TCF12: variants seen among roughly 807,000 people sequenced by gnomAD.
The protein encoded by TCF12 is transcription factor 12.
Under a neutral mutation model 86.0 loss-of-function variants are expected in TCF12, and 45 were observed. The ratio of observed to expected loss-of-function variants is 0.52; its 90% CI spans 0.41 to 0.67. The LOEUF is 0.67. TCF12 is among the 30% of genes least tolerant of loss of function. The pLI is 0.00. For missense variants in TCF12, 881 were observed against 859.9 expected (o/e 1.02, Z -0.31); for synonymous variants, 330 against 299.6 (o/e 1.10, Z -1.05).
intron 3 of TCF12, among the ~76,000 whole-genome samples, chr15:57,021,570 G>A (rs1311689824): frequency 1.3e-5 from 2 of 152,128 alleles, no homozygotes; most frequent in East Asian, 3.9e-4. Context: ...TAGGAAAACA[G>A]GCTTATATAG....
intron 6 of TCF12, among the ~76,000 whole-genome samples, chr15:57,170,684 TATATA>T (rs1406449157): frequency 0.016 from 170 of 10,364 alleles, 3 homozygotes; most frequent in Non-Finnish European, 0.022. Context: ...TAATATATTA[TATATA>T]ATATATATTA....
chr15:57,213,296 C>T (rs1406311893), intron 8 of TCF12, among the ~76,000 whole-genome samples: 1 of 152,294 alleles, frequency 6.6e-6, no homozygotes, highest in Non-Finnish European at 1.5e-5. Context: ...TTAAAAGATA[C>T]GTCTTTTCAT....
At chr15:56,944,123 A>G (rs1367479668) in intron 3 of TCF12, among the ~76,000 whole-genome samples, 2 of 152,192 alleles carry the variant, frequency 1.3e-5, no homozygotes, top group African/African-American at 4.8e-5. Flanking sequence ...ATTTTATTTA[A>G]TGTGTTCAAA....
At chr15:56,918,527 C>G (rs917334601), upstream of TCF12, 1 of 299,250 alleles carries the variant, frequency 3.3e-6, no homozygotes, top group African/African-American at 2.4e-5. Flanking sequence ...CGGCTCCTCC[C>G]AGTCCCCGAC....
intron 5 of TCF12, among the ~76,000 whole-genome samples, chr15:57,125,577 C>T (rs542419744): frequency 1.3e-5 from 2 of 152,270 alleles, no homozygotes; most frequent in East Asian, 1.9e-4. Context: ...TTCTGAACAG[C>T]CATGGTAATG....
chr15:57,012,133 T>C (rs1185762311), intron 3 of TCF12, among the ~76,000 whole-genome samples: 2 of 152,172 alleles, frequency 1.3e-5, no homozygotes, highest in Non-Finnish European at 2.9e-5. Context: ...GAAAATGGAA[T>C]ACTTACATGG....
intron 6 of TCF12, among the ~76,000 whole-genome samples, chr15:57,170,736 TAATATATATTATATATTATATATTA>T (rs1567559367): frequency 8.3e-3 from 18 of 2,170 alleles, no homozygotes; most frequent in Admixed American, 0.016. Flanking sequence ...ATATTATATA[TAATATATATTATATATTATATATTA>T]TATATATATT....
intron 3 of TCF12, among the ~76,000 whole-genome samples, chr15:57,024,657 C>T (rs529902485): frequency 3.9e-5 from 6 of 152,242 alleles, no homozygotes; most frequent in South Asian, 2.1e-4. Flanking sequence ...AGGAGCTTGC[C>T]GGTACTGCAA....
chr15:57,103,593 A>G (rs1219052411), intron 5 of TCF12, among the ~76,000 whole-genome samples: 4 of 152,228 alleles, frequency 2.6e-5, no homozygotes, highest in Admixed American at 2.0e-4. Flanking sequence ...CTCTACCACA[A>G]TGGAATTTAA....
At chr15:57,274,695 A>T (rs117827887) in intron 19 of TCF12, among the ~76,000 whole-genome samples, 1 of 152,062 alleles carries the variant, frequency 6.6e-6, no homozygotes, top group Non-Finnish European at 1.5e-5. Context: ...TCAGCCCAGG[A>T]TATCTTCTAT....
rs777234282 is a variant in TCF12, at chr15:56,984,014, A to AAAAAAAAAAAAAAAG, written c.148+62918_148+62919insAAAAAAAAAAAAGAA. Among the ~76,000 whole-genome samples the AAAAAAAAAAAAAAAG allele has an allele frequency of 9.4e-4, 98 of 104,402 alleles. 10 individuals carry two copies. Among genetic ancestry groups the AAAAAAAAAAAAAAAG allele is most frequent in the African/African-American group, 2.0e-3 (45 of 22,014 alleles). The allele number at this position is 104,402 out of a possible 152,430, so 68.5% of individuals were successfully genotyped here. On this transcript the variant is annotated intron_variant, in intron 3 of 20. Transcript: ENST00000333725. ...GAGACCCTGTCTCAAAAAAAAAAAA[A>AAAAAAAAAAAAAAAG]AAGAAGAAGAAGAATTTTGGATCAA...
At chr15:56,961,369 G>A (rs1412686097) in intron 3 of TCF12, among the ~76,000 whole-genome samples, 1 of 152,100 alleles carries the variant, frequency 6.6e-6, no homozygotes, top group Non-Finnish European at 1.5e-5. Context: ...TGAGCAAATG[G>A]ATTAACATGT....
At chr15:56,934,491 C>G (rs2060381553) in intron 3 of TCF12, among the ~76,000 whole-genome samples, 1 of 152,150 alleles carries the variant, frequency 6.6e-6, no homozygotes. Flanking sequence ...CCATGAATGA[C>G]AGGACTTGGA....
At chr15:57,189,989 A>G (rs1307842484) in intron 6 of TCF12, among the ~76,000 whole-genome samples, 1 of 152,246 alleles carries the variant, frequency 6.6e-6, no homozygotes, top group Non-Finnish European at 1.5e-5. Context: ...AAAAGGCCAC[A>G]TATTGTATGA....
At chr15:57,209,105 G>A (rs2057994832) in intron 8 of TCF12, among the ~76,000 whole-genome samples, 2 of 152,086 alleles carry the variant, frequency 1.3e-5, no homozygotes, top group South Asian at 4.1e-4. Flanking sequence ...ATAAAAATAA[G>A]GACTACAAGG....
At chr15:57,167,467 A>G (rs893629950) in intron 6 of TCF12, among the ~76,000 whole-genome samples, 5 of 152,028 alleles carry the variant, frequency 3.3e-5, no homozygotes, top group African/African-American at 4.8e-5. Context: ...AGGCTGAAGC[A>G]GGAGGATCAC....
intron 19 of TCF12, among the ~76,000 whole-genome samples, chr15:57,274,248 CTCTT>C (rs2061278383): frequency 6.6e-6 from 1 of 152,130 alleles, no homozygotes; most frequent in Non-Finnish European, 1.5e-5. Context: ...AGAATGAGTA[CTCTT>C]TCTTAGGAAA....
At position 57,046,531 on chromosome 15, in the gene TCF12, C is replaced by G. The variant is rs4774907; in HGVS notation, c.149-17219C>G. On this transcript the variant is annotated intron_variant, in intron 3 of 20. Transcript: ENST00000333725. The stretch of plus-strand genomic sequence containing the variant: ...GATCTCCGCTCACTGCAACCTCTGC[C>G]TCCCAGGTTCAAGCTGTTCTCCTGC... 4.5e-3 allele frequency among the ~76,000 whole-genome samples: 684 copies of G among 152,300 alleles called. 9 individuals are homozygous for G. The highest frequency in any genetic ancestry group is 0.021 in the Admixed American group (325 of 15,292).
intron 3 of TCF12, chr15:57,001,399 CA>C: frequency 5.5e-6 from 1 of 180,370 alleles, no homozygotes; most frequent in Non-Finnish European, 1.2e-5. Flanking sequence ...GTATTTCCAC[CA>C]AAAAGGACGT....
Sources: allele counts gnomAD v4.1 joint callset (sites outside exome capture counted in the v4.1 genomes callset), GRCh38; gene constraint gnomAD v4.1.1; transcripts MANE v1.5; gene names NCBI Gene and HGNC (gene_info 2026-07-23, HGNC 2026-07-21).